HS6ST2: variants seen among roughly 807,000 people sequenced by gnomAD.
HS6ST2 encodes heparan-sulfate 6-O-sulfotransferase 2.
HS6ST2 carries 17 observed loss-of-function variants against 33.0 expected under a neutral mutation model. That is an observed-to-expected ratio of 0.52 (90% CI 0.35 to 0.77). HS6ST2 has a LOEUF of 0.77. Among genes scored for constraint, HS6ST2 ranks in the 30% least tolerant of loss-of-function variants. HS6ST2 has a pLI of 0.01. For synonymous variants in HS6ST2, 248 were observed against 237.1 expected (o/e 1.05, Z -0.42); for missense variants, 519 against 551.7 (o/e 0.94, Z 0.59).
intron 2 of HS6ST2, among the ~76,000 whole-genome samples, chrX:132,902,552 G>A (rs1369549756): frequency 8.9e-6 from 1 of 111,838 alleles, no homozygotes; most frequent in African/African-American, 3.2e-5. Context: ...TAAGAAGCCT[G>A]GTCTGTAGGG....
chrX:132,860,866 C>A (rs1268989422), intron 2 of HS6ST2, among the ~76,000 whole-genome samples: 1 of 97,186 alleles, frequency 1.0e-5, no homozygotes, highest in Non-Finnish European at 2.0e-5. Flanking sequence ...CGGCTCACCA[C>A]AACCTCCATT....
At chrX:132,930,741 A>G (rs2066760317) in intron 2 of HS6ST2, among the ~76,000 whole-genome samples, 1 of 111,411 alleles carries the variant, frequency 9.0e-6, no homozygotes, top group South Asian at 3.8e-4. Flanking sequence ...CAGCACTAAG[A>G]GAGACCAGTG....
rs1028827443 is a variant in HS6ST2, at chrX:132,940,933, A to T, written c.947+15875T>A. Among the ~76,000 whole-genome samples the T allele has an allele frequency of 6.3e-5, 7 of 111,801 alleles. No individual in the cohort carries two copies. In the East Asian group the frequency reaches 1.4e-3, roughly 23 times the overall value. On this transcript the variant is annotated intron_variant, in intron 2 of 4. Coordinates refer to ENST00000370833, the MANE Select transcript of HS6ST2 (RefSeq NM_001394073.1). ...AGCATAGAAATCTGACCTCTGTGAC[A>T]TTCTCTAGAGAAGGCATTCTCAGCC...
At chrX:132,639,597 G>T (rs1301003243) in intron 4 of HS6ST2, among the ~76,000 whole-genome samples, 1 of 111,282 alleles carries the variant, frequency 9.0e-6, no homozygotes, top group Non-Finnish European at 1.9e-5. Flanking sequence ...TTCCTTCTAG[G>T]AACTCCTCCC....
At chrX:132,653,517 G>A (rs755862026) in intron 4 of HS6ST2, among the ~76,000 whole-genome samples, 7 of 111,442 alleles carry the variant, frequency 6.3e-5, no homozygotes, top group Non-Finnish European at 1.1e-4. Flanking sequence ...CTTGTCTCAC[G>A]ATTTGTTTGT....
At chrX:132,940,856 T>A (rs1265381249) in intron 2 of HS6ST2, among the ~76,000 whole-genome samples, 1 of 111,497 alleles carries the variant, frequency 9.0e-6, no homozygotes, top group African/African-American at 3.3e-5. Context: ...TGGAGTCAGA[T>A]CCTAGCAAAT....
chrX:132,750,340 C>T (rs2064691054), intron 2 of HS6ST2, among the ~76,000 whole-genome samples: 1 of 82,924 alleles, frequency 1.2e-5, no homozygotes, highest in Admixed American at 1.3e-4. Flanking sequence ...TGAAAGATGC[C>T]CATCAAGAAA....
chrX:132,764,598 C>T (rs1003648450), intron 2 of HS6ST2, among the ~76,000 whole-genome samples: 7 of 111,452 alleles, frequency 6.3e-5, no homozygotes, highest in Admixed American at 5.8e-4. Context: ...CAACCAGCCT[C>T]TTGTTTCATG....
intron 3 of HS6ST2, among the ~76,000 whole-genome samples, chrX:132,687,810 G>A (rs144962818): frequency 0.038 from 4,173 of 110,263 alleles, 63 homozygotes; most frequent in Non-Finnish European, 0.059. Flanking sequence ...GTGCAATGGC[G>A]CAATCTCGGC....
chrX:132,672,306 T>TGGGGG (rs202064650), intron 3 of HS6ST2, among the ~76,000 whole-genome samples: 1 of 61,389 alleles, frequency 1.6e-5, no homozygotes, highest in Admixed American at 2.0e-4. Context: ...ATGAGATTGG[T>TGGGGG]GGGGGGGGGT....
intron 4 of HS6ST2, among the ~76,000 whole-genome samples, chrX:132,655,900 C>A (rs1006667034): frequency 5.4e-5 from 6 of 111,586 alleles, no homozygotes; most frequent in South Asian, 3.8e-4. Flanking sequence ...AGACTCCAGC[C>A]TAACCATCCG....
chrX:132,688,256 C>T (rs761643040), intron 3 of HS6ST2, among the ~76,000 whole-genome samples: 2 of 111,966 alleles, frequency 1.8e-5, no homozygotes, highest in Admixed American at 9.4e-5. Flanking sequence ...GCTATGAAAA[C>T]CCATGAAAAA....
At chrX:132,893,379 C>T (rs767462746) in intron 2 of HS6ST2, among the ~76,000 whole-genome samples, 16 of 112,148 alleles carry the variant, frequency 1.4e-4, no homozygotes, top group Non-Finnish European at 3.0e-4. Flanking sequence ...TTTACCAGGG[C>T]TTAGTAAACT....
At chrX:132,794,904 G>A (rs2065161211) in intron 2 of HS6ST2, among the ~76,000 whole-genome samples, 1 of 110,112 alleles carries the variant, frequency 9.1e-6, no homozygotes, top group Admixed American at 9.8e-5. Context: ...CCACTGCCCC[G>A]AAGTACTGGG....
At chrX:132,880,523 TA>T (rs201106795) in intron 2 of HS6ST2, among the ~76,000 whole-genome samples, 509 of 2,386 alleles carry the variant, frequency 0.21, 1 homozygote, top group Middle Eastern at 0.55. Flanking sequence ...AGACTCTGTG[TA>T]AAAAAAAAAA....
At chrX:132,911,297 CA>C (rs775927268) in intron 2 of HS6ST2, among the ~76,000 whole-genome samples, 1 of 111,404 alleles carries the variant, frequency 9.0e-6, no homozygotes, top group African/African-American at 3.3e-5. Flanking sequence ...CTGCTCCTAC[CA>C]AAAACTCAGC....
At chrX:132,930,097 G>A (rs1376609928) in intron 2 of HS6ST2, among the ~76,000 whole-genome samples, 3 of 111,563 alleles carry the variant, frequency 2.7e-5, no homozygotes, top group Admixed American at 1.9e-4. Flanking sequence ...ATTGTGGCAA[G>A]TAGCCCATTC....
chrX:132,752,471 CAAAAAAA>C (rs751283316), intron 2 of HS6ST2, among the ~76,000 whole-genome samples: 1 of 59,699 alleles, frequency 1.7e-5, no homozygotes. Flanking sequence ...GACTCCGTCT[CAAAAAAA>C]AAAAAAAAAA....
intron 2 of HS6ST2, among the ~76,000 whole-genome samples, chrX:132,791,495 G>C (rs2065119515): frequency 9.0e-6 from 1 of 111,646 alleles, no homozygotes; most frequent in Non-Finnish European, 1.9e-5. Flanking sequence ...TTTAACAAAA[G>C]ATATCTATGT....
Sources: gnomAD v4.1 joint callset for allele counts (sites outside exome capture counted in the v4.1 genomes callset) on GRCh38, gnomAD v4.1.1 for gene constraint, MANE v1.5 for transcripts, NCBI Gene and HGNC (gene_info 2026-07-23, HGNC 2026-07-21) for gene names.